ZNF536: variants seen among roughly 807,000 people sequenced by gnomAD.
ZNF536 encodes zinc finger protein 536.
Under a neutral mutation model 84.5 loss-of-function variants are expected in ZNF536, and 13 were observed. The observed-to-expected ratio is 0.15, with a 90% confidence interval of 0.10 to 0.24. The LOEUF is 0.24. Ranked by LOEUF, ZNF536 falls within the 10% of genes least tolerant of loss-of-function variation. The probability of loss-of-function intolerance (pLI) is 1.00; values close to 1 mark genes in which losing one functional copy is unlikely to be tolerated. For missense variants in ZNF536, 1,536 were observed against 1,747.5 expected (o/e 0.88, Z 2.16); for synonymous variants, 811 against 742.5 (o/e 1.09, Z -1.50).
intron 1 of ZNF536, among the ~76,000 whole-genome samples, chr19:30,674,040 T>C (rs908370629): frequency 3.3e-5 from 5 of 152,326 alleles, no homozygotes; most frequent in Admixed American, 6.5e-5. Context: ...GGTTTGAGTA[T>C]ATTGCATTCA....
At chr19:30,501,430 TG>T (rs2054946023) in intron 2 of ZNF536, among the ~76,000 whole-genome samples, 1 of 152,230 alleles carries the variant, frequency 6.6e-6, no homozygotes, top group East Asian at 1.9e-4. Context: ...TGGAAAATGT[TG>T]GCTGTTAAGT....
At chr19:30,233,614 T>C (rs943147918) in intron 1 of ZNF536, among the ~76,000 whole-genome samples, 1 of 151,972 alleles carries the variant, frequency 6.6e-6, no homozygotes, top group Non-Finnish European at 1.5e-5. Flanking sequence ...TACCAAAGTG[T>C]TGGGATTACA....
intron 2 of ZNF536, among the ~76,000 whole-genome samples, chr19:30,533,511 C>T (rs1234879837): frequency 3.3e-5 from 5 of 149,342 alleles, no homozygotes; most frequent in Non-Finnish European, 4.4e-5. Context: ...CAAAATGAGA[C>T]GCTGTCTCAA....
At chr19:30,629,567 A>T (rs2048813970) in intron 1 of ZNF536, among the ~76,000 whole-genome samples, 1 of 152,240 alleles carries the variant, frequency 6.6e-6, no homozygotes, top group Admixed American at 6.5e-5. Context: ...TTGTAAAAGA[A>T]GGGGCAAGGC....
At chr19:30,227,182 A>G (rs945261890), upstream of ZNF536, among the ~76,000 whole-genome samples, 19 of 152,188 alleles carry the variant, frequency 1.2e-4, no homozygotes, top group African/African-American at 4.6e-4. Flanking sequence ...AGGGCTGGGC[A>G]GAGAGAGACC....
At chr19:30,254,586 G>T (rs199647046) in intron 1 of ZNF536, among the ~76,000 whole-genome samples, 23 of 130,980 alleles carry the variant, frequency 1.8e-4, no homozygotes, top group South Asian at 2.5e-4. Flanking sequence ...TTCTCTTTTT[G>T]AAAAAAAAAA....
intron 1 of ZNF536, among the ~76,000 whole-genome samples, chr19:30,382,926 G>T (rs1259484237): frequency 1.3e-5 from 2 of 152,164 alleles, no homozygotes; most frequent in Non-Finnish European, 2.9e-5. Context: ...ATTTCCCATA[G>T]AAATCCTTAA....
At chr19:30,345,202 G>T (rs1304957051) in intron 2 of ZNF536, among the ~76,000 whole-genome samples, 2 of 151,740 alleles carry the variant, frequency 1.3e-5, no homozygotes, top group Non-Finnish European at 2.9e-5. Context: ...AGATGCCCCA[G>T]GTCCACAGTC....
At chr19:30,691,761 A>AG (rs1244511723) in intron 1 of ZNF536, among the ~76,000 whole-genome samples, 3 of 152,116 alleles carry the variant, frequency 2.0e-5, no homozygotes, top group Admixed American at 6.5e-5. Flanking sequence ...AAAAATGGGG[A>AG]GGGGGGAAAC....
At chr19:30,570,408 C>T (rs912598130) in intron 1 of ZNF536, among the ~76,000 whole-genome samples, 1 of 152,186 alleles carries the variant, frequency 6.6e-6, no homozygotes, top group Non-Finnish European at 1.5e-5. Context: ...GGTGCAGAGG[C>T]AGCCGGGAGC....
At chr19:30,332,915 C>G (rs1241724280) in intron 2 of ZNF536, among the ~76,000 whole-genome samples, 1 of 152,150 alleles carries the variant, frequency 6.6e-6, no homozygotes, top group Non-Finnish European at 1.5e-5. Context: ...ACCCATGTCT[C>G]TACAAAAAAT....
intron 1 of ZNF536, among the ~76,000 whole-genome samples, chr19:30,384,142 TTCTTTCTTTC>T (rs2049212226): frequency 8.3e-6 from 1 of 120,212 alleles, no homozygotes; most frequent in South Asian, 3.5e-4. Context: ...CTTTCTTTCT[TTCTTTCTTTC>T]TTTCTTTCTT....
chr19:30,684,885 A>C (rs2051112024), intron 1 of ZNF536, among the ~76,000 whole-genome samples: 2 of 152,054 alleles, frequency 1.3e-5, no homozygotes, highest in South Asian at 4.2e-4. Context: ...ATGCAGTTGC[A>C]CCCTATTTAT....
intron 2 of ZNF536, among the ~76,000 whole-genome samples, chr19:30,332,582 A>G (rs2047248966): frequency 6.6e-6 from 1 of 152,054 alleles, no homozygotes. Flanking sequence ...ACCTCCCTAT[A>G]TAAAATCAGA....
intron 1 of ZNF536, among the ~76,000 whole-genome samples, chr19:30,425,240 GA>G (rs202028118): frequency 0.044 from 6,421 of 146,188 alleles, 229 homozygotes; most frequent in African/African-American, 0.095. Context: ...AAACATGTTG[GA>G]AAAAAAAAAA....
chr19:30,688,711 A>G (rs1266622326), intron 1 of ZNF536, among the ~76,000 whole-genome samples: 1 of 152,152 alleles, frequency 6.6e-6, no homozygotes, highest in Non-Finnish European at 1.5e-5. Flanking sequence ...CCCCCACTTA[A>G]TACTGATGGA....
chr19:30,360,023 G>A (rs538067397), intron 3 of ZNF536, among the ~76,000 whole-genome samples: 1 of 152,326 alleles, frequency 6.6e-6, no homozygotes, highest in African/African-American at 2.4e-5. Context: ...CTTCCTCAAA[G>A]GGAGCCAAAG....
At chr19:30,654,377 C>T (rs2049823911) in intron 1 of ZNF536, among the ~76,000 whole-genome samples, 3 of 152,080 alleles carry the variant, frequency 2.0e-5, no homozygotes, top group South Asian at 2.1e-4. Flanking sequence ...GCCCTCTTCA[C>T]TCCTCACCAC....
At chr19:30,245,448 C>T (rs1181025327) in intron 1 of ZNF536, among the ~76,000 whole-genome samples, 4 of 152,160 alleles carry the variant, frequency 2.6e-5, no homozygotes, top group Admixed American at 1.3e-4. Flanking sequence ...AATGGCAGTC[C>T]ATTAATAAAT....
Sources: allele counts gnomAD v4.1 joint callset (sites outside exome capture counted in the v4.1 genomes callset), GRCh38; gene constraint gnomAD v4.1.1; transcripts MANE v1.5; gene names NCBI Gene and HGNC (gene_info 2026-07-23, HGNC 2026-07-21).